MUC7: variants seen among roughly 807,000 people sequenced by gnomAD.
MUC7 encodes the protein mucin 7, secreted, also known as mucin-7.
MUC7 carries 2 observed loss-of-function variants against 2.5 expected under a neutral mutation model. The observed-to-expected ratio is 0.81, with a 90% confidence interval of 0.33 to 2.55. The LOEUF (loss-of-function observed/expected upper bound fraction) is 2.55, where lower values mean the gene tolerates loss of function less well. MUC7 is among the 30% of genes most tolerant of loss of function. MUC7 has a pLI of 0.11. For missense variants in MUC7, 408 were observed against 455.6 expected (o/e 0.90, Z 0.95); for synonymous variants, 133 against 173.4 (o/e 0.77, Z 1.83).
chr4:70,459,494 T>C (rs921983539), intron 1 of MUC7, among the ~76,000 whole-genome samples: 3 of 152,140 alleles, frequency 2.0e-5, no homozygotes, highest in Non-Finnish European at 4.4e-5. Flanking sequence ...GACTAGTTAA[T>C]GGGTGCAGCA....
intron 1 of MUC7, among the ~76,000 whole-genome samples, chr4:70,446,050 G>A (rs965963668): frequency 6.6e-6 from 1 of 152,126 alleles, no homozygotes; most frequent in Non-Finnish European, 1.5e-5. Context: ...GGGCTGATGG[G>A]ACTCTAAGAG....
At chr4:70,447,718 G>A (rs1734180423) in intron 1 of MUC7, among the ~76,000 whole-genome samples, 2 of 152,106 alleles carry the variant, frequency 1.3e-5, no homozygotes, top group African/African-American at 4.8e-5. Context: ...CAGGCATGCA[G>A]TGTATAATAA....
At chr4:70,442,594 T>C (rs537200959) in intron 1 of MUC7, among the ~76,000 whole-genome samples, 7 of 152,346 alleles carry the variant, frequency 4.6e-5, no homozygotes, top group South Asian at 4.1e-4. Flanking sequence ...GCTTTTGCAC[T>C]TTCTGGAAGT....
At chr4:70,436,992 T>C (rs1322294286) in intron 1 of MUC7, among the ~76,000 whole-genome samples, 1 of 152,170 alleles carries the variant, frequency 6.6e-6, no homozygotes, top group African/African-American at 2.4e-5. Flanking sequence ...GCTGGAGGTC[T>C]ACTCCAGACC....
At position 70,481,379 on chromosome 4, in the gene MUC7, C is replaced by T. The variant is rs369014842; in HGVS notation, c.635C>T (p.Thr212Ile). Reference protein sequence around the residue: ...PPSSSAPPETTAAPPTPPATT... With the variant: ...PPSSSAPPETIAAPPTPPATT... ...TCTTCCTCAGCTCCACCAGAGACCA[C>T]AGCTGCCCCACCCACACCTCCTGCA... The change falls in exon 3 of 3, where the codon ACA becomes ATA. Residue 212 changes from threonine to isoleucine, a missense_variant. Physicochemically the swap from Thr to Ile is moderately conservative, Grantham distance 89. This residue lies in a region of MUC7 where 8 missense variants were observed against 28.0 expected (regional missense o/e 0.29). Coordinates refer to ENST00000304887, the MANE Select transcript of MUC7 (RefSeq NM_152291.3). 1.9e-6 allele frequency: 3 copies of T among 1,613,196 alleles called. No individual in the cohort carries two copies. Among genetic ancestry groups the T allele is most frequent in the African/African-American group, 2.7e-5 (2 of 74,626 alleles).
intron 1 of MUC7, among the ~76,000 whole-genome samples, chr4:70,459,666 A>G (rs1302006171): frequency 6.6e-6 from 1 of 152,184 alleles, no homozygotes; most frequent in Non-Finnish European, 1.5e-5. Context: ...AACAGAACCA[A>G]TTGGAAAGAC....
intron 1 of MUC7, among the ~76,000 whole-genome samples, chr4:70,432,763 T>C (rs1379151498): frequency 6.6e-6 from 1 of 152,242 alleles, no homozygotes; most frequent in Non-Finnish European, 1.5e-5. Context: ...AATTTTGGCT[T>C]CTGTTGCCAT....
At chr4:70,460,683 C>T (rs527316869) in intron 1 of MUC7, among the ~76,000 whole-genome samples, 1 of 152,124 alleles carries the variant, frequency 6.6e-6, no homozygotes, top group East Asian at 1.9e-4. Flanking sequence ...GTAGTACTCC[C>T]GGTAGGATAG....
intron 1 of MUC7, among the ~76,000 whole-genome samples, chr4:70,460,382 A>C (rs1252431730): frequency 6.6e-6 from 1 of 152,202 alleles, no homozygotes; most frequent in African/African-American, 2.4e-5. Context: ...ATAAGTAGCC[A>C]AATATTAAGT....
upstream of MUC7, among the ~76,000 whole-genome samples, chr4:70,468,063 T>G (rs1056157591): frequency 6.6e-6 from 1 of 152,140 alleles, no homozygotes; most frequent in African/African-American, 2.4e-5. Context: ...TCTACCAAGA[T>G]CAAGCTGGCT....
upstream of MUC7, among the ~76,000 whole-genome samples, chr4:70,467,461 A>G (rs2200987): frequency 0.89 from 135,529 of 152,102 alleles, 60,769 homozygotes; most frequent in East Asian, 1. Flanking sequence ...AAAAATCAAT[A>G]AATCCAGGAG....
chr4:70,457,620 T>A (rs544584110), intron 1 of MUC7, among the ~76,000 whole-genome samples: 2 of 152,170 alleles, frequency 1.3e-5, no homozygotes, highest in Non-Finnish European at 2.9e-5. Context: ...AAATAAAAAA[T>A]TTAGCAATAA....
At position 70,481,208 on chromosome 4, in the gene MUC7, C is replaced by T; in HGVS notation, c.464C>T (p.Ala155Val). 1 of 1,614,204 alleles carries T rather than the reference C, an allele frequency of 6.2e-7. No individual in the cohort carries two copies. Among genetic ancestry groups the T allele is most frequent in the South Asian group, 1.1e-5 (1 of 91,088 alleles). ...VNTSSSVATL[A>V]PVNSPAPQDT... ...ACAAGCTCTTCTGTAGCTACATTAG[C>T]ACCAGTGAATTCCCCAGCTCCACAA... The change falls in exon 3 of 3, where the codon GCA becomes GTA. Residue 155 changes from alanine to valine, a missense_variant. Transcript: ENST00000304887.
upstream of MUC7, among the ~76,000 whole-genome samples, chr4:70,470,368 G>A (rs1284424086): frequency 6.6e-6 from 1 of 151,964 alleles, no homozygotes; most frequent in Non-Finnish European, 1.5e-5. Flanking sequence ...TAACAAACCT[G>A]CACATTCTGC....
intron 1 of MUC7, among the ~76,000 whole-genome samples, chr4:70,462,345 A>G (rs1734576355): frequency 6.6e-6 from 1 of 152,252 alleles, no homozygotes; most frequent in African/African-American, 2.4e-5. Flanking sequence ...TCTAATTAAC[A>G]TACTTTTTAA....
Position 70,474,067 on chromosome 4 carries a change from T to A in MUC7, c.46T>A (p.Cys16Ser). 1.2e-6 allele frequency: 2 copies of A among 1,612,770 alleles called. No individual in the cohort carries two copies. The highest frequency in any genetic ancestry group is 1.7e-6 in the Non-Finnish European group (2 of 1,179,132). The stretch of plus-strand genomic sequence containing the variant: ...TGTGTGCATCTGTGCACTGAGTGCT[T>A]GCTTCTCGGTAAGTATTCACCCAAA... ...LFVCICALSACFSFSEGRERD... is the reference protein window; with the variant it reads ...LFVCICALSASFSFSEGRERD... The change falls in exon 2 of 3, where the codon TGC becomes AGC. Residue 16 changes from cysteine to serine, a missense_variant. Transcript: ENST00000304887.
At chr4:70,438,876 A>T (rs1315593599) in intron 1 of MUC7, among the ~76,000 whole-genome samples, 1 of 152,252 alleles carries the variant, frequency 6.6e-6, no homozygotes, top group Non-Finnish European at 1.5e-5. Context: ...TTCAAGGGAC[A>T]CTAATACAAG....
At chr4:70,454,082 A>T (rs1285552706) in intron 1 of MUC7, among the ~76,000 whole-genome samples, 1 of 151,916 alleles carries the variant, frequency 6.6e-6, no homozygotes, top group Admixed American at 6.6e-5. Flanking sequence ...GGACTCTCTC[A>T]TTGCTTCAAG....
intron 1 of MUC7, among the ~76,000 whole-genome samples, chr4:70,447,458 T>C (rs1037971541): frequency 6.6e-6 from 1 of 152,182 alleles, no homozygotes; most frequent in African/African-American, 2.4e-5. Context: ...TTTTATTCCT[T>C]CCAATCCAAA....
Sources: allele counts gnomAD v4.1 joint callset (sites outside exome capture counted in the v4.1 genomes callset), GRCh38; gene constraint gnomAD v4.1.1; regional missense constraint gnomAD v4.1.1; transcripts MANE v1.5; gene names NCBI Gene and HGNC (gene_info 2026-07-23, HGNC 2026-07-21).